Variants in SP140L observed in about 807,000 individuals in gnomAD.
SP140L encodes nuclear body protein SP140-like protein.
SP140L carries 64 observed loss-of-function variants against 84.3 expected under a neutral mutation model. The ratio of observed to expected loss-of-function variants is 0.76; its 90% CI spans 0.62 to 0.94. SP140L has a LOEUF of 0.94. Ranked by LOEUF, SP140L falls within the 40% of genes least tolerant of loss-of-function variation. The pLI is 0.00. For synonymous variants in SP140L, 242 were observed against 236.9 expected, an observed-to-expected ratio of 1.02 and a Z score of -0.20; for missense variants, 628 against 692.5, an observed-to-expected ratio of 0.91 and a Z score of 1.05.
At position 230,360,292 on chromosome 2, in the gene SP140L, A is replaced by G. The variant is rs542371853; in HGVS notation, c.439+1160A>G. On this transcript the variant is annotated intron_variant, in intron 4 of 18. Coordinates refer to ENST00000415673, the MANE Select transcript of SP140L (RefSeq NM_138402.6). Reference sequence around the variant, plus strand: ...ATAGGAGCTGACTTAAGAGAGATCAATTGGAGGAAGATGGTGAACGGTCTG... The same window carrying G: ...ATAGGAGCTGACTTAAGAGAGATCAGTTGGAGGAAGATGGTGAACGGTCTG... Among the ~76,000 whole-genome samples, 16 of 152,330 alleles carry G rather than the reference A, an allele frequency of 1.1e-4. No homozygotes were observed. In the East Asian group the frequency reaches 2.3e-3, roughly 22 times the overall value.
rs1559469368 is a variant in SP140L at position 230,403,191 on chromosome 2, C to T, written c.*295C>T. ...TCTGCTCCAGACAACATTTATTACT[C>T]ACAAGACCTTTTTCCTCCGTTTTTT... On this transcript the variant is annotated 3_prime_UTR_variant, in exon 19 of 19. Transcript: ENST00000415673. 1 of 266,800 alleles carries T rather than the reference C, an allele frequency of 3.7e-6. No homozygotes were observed. Among genetic ancestry groups the T allele is most frequent in the Non-Finnish European group, 6.9e-6 (1 of 144,238 alleles). 16.5% of individuals were successfully genotyped at this position (266,800 alleles called of 1,614,324 possible).
chr2:230,334,763 C>T (rs1298507683), intron 2 of SP140L, among the ~76,000 whole-genome samples: 1 of 151,766 alleles, frequency 6.6e-6, no homozygotes, highest in Non-Finnish European at 1.5e-5. Flanking sequence ...ATTACCTGTT[C>T]CTTGAAGGAT....
At chr2:230,385,362 G>A in intron 9 of SP140L, 58 bp downstream of exon 9, 1 of 1,512,176 alleles carries the variant, frequency 6.6e-7, no homozygotes, top group South Asian at 1.1e-5. Flanking sequence ...ACATGTTGAG[G>A]TTTTGAGGAG....
At chr2:230,383,153 A>G (rs2061463356) in intron 7 of SP140L, among the ~76,000 whole-genome samples, 1 of 152,240 alleles carries the variant, frequency 6.6e-6, no homozygotes, top group South Asian at 2.1e-4. Context: ...ATCAACCTCA[A>G]GGAGGATGTC....
chr2:230,382,902 G>C (rs529286509), intron 7 of SP140L, among the ~76,000 whole-genome samples: 13 of 152,364 alleles, frequency 8.5e-5, no homozygotes, highest in Non-Finnish European at 1.8e-4. Context: ...GGGCACATCA[G>C]ACTGCAAATG....
chr2:230,396,668 C>T, intron 13 of SP140L, 89 bp from the exon 14 acceptor site: 3 of 1,493,394 alleles, frequency 2.0e-6, no homozygotes, highest in Non-Finnish European at 2.8e-6. Context: ...TCCTGAATCC[C>T]TTCAAAGATG....
intron 2 of SP140L, among the ~76,000 whole-genome samples, chr2:230,346,980 A>T (rs899021702): frequency 3.9e-5 from 6 of 152,206 alleles, no homozygotes; most frequent in Non-Finnish European, 8.8e-5. Flanking sequence ...GTGTCTGTAC[A>T]TTTGAGGAAG....
Sources: allele counts gnomAD v4.1 joint callset (sites outside exome capture counted in the v4.1 genomes callset), GRCh38; gene constraint gnomAD v4.1.1; transcripts MANE v1.5; gene names NCBI Gene and HGNC (gene_info 2026-07-23, HGNC 2026-07-21).